The following MAPK4 variants were observed in gnomAD, a reference collection of about 807,000 sequenced individuals.
The protein encoded by MAPK4 is mitogen-activated protein kinase 4, also known as Erk3-related.
MAPK4 carries 22 observed loss-of-function variants against 47.7 expected under a neutral mutation model. The observed-to-expected ratio is 0.46, with a 90% CI of 0.33 to 0.66. The LOEUF is 0.66. MAPK4 is among the 30% of genes least tolerant of loss of function. MAPK4 has a pLI of 0.02. For synonymous variants in MAPK4, 390 were observed against 365.7 expected (o/e 1.07, Z -0.76); for missense variants, 736 against 831.7 (o/e 0.88, Z 1.42).
chr18:50,615,368 C>T (rs1350912654), intron 1 of MAPK4, among the ~76,000 whole-genome samples: 1 of 152,238 alleles, frequency 6.6e-6, no homozygotes, highest in Non-Finnish European at 1.5e-5. Context: ...CATGGCACAG[C>T]AGTTCCACAG....
At chr18:50,713,139 T>C (rs200633169) in intron 2 of MAPK4, among the ~76,000 whole-genome samples, 110 of 152,304 alleles carry the variant, frequency 7.2e-4, no homozygotes, top group East Asian at 2.3e-3. Flanking sequence ...AAAGAGGGCA[T>C]GAATAAATTG....
chr18:50,655,326 C>G (rs1028191436), intron 1 of MAPK4, among the ~76,000 whole-genome samples: 1 of 152,014 alleles, frequency 6.6e-6, no homozygotes, highest in African/African-American at 2.4e-5. Context: ...TGGCTCGGGT[C>G]GGTTGGTGTC....
chr18:50,629,820 G>C (rs1289581751), intron 1 of MAPK4: 1 of 152,196 alleles, frequency 6.6e-6, no homozygotes, highest in African/African-American at 2.4e-5. Flanking sequence ...TGGAGGCCCA[G>C]GCTCTGTTCC....
chr18:50,632,922 A>AT (rs1056164427), intron 1 of MAPK4, among the ~76,000 whole-genome samples: 33 of 139,270 alleles, frequency 2.4e-4, no homozygotes, highest in African/African-American at 8.7e-4. Context: ...GCCTGGCCTG[A>AT]TTTTTTTTAT....
intron 1 of MAPK4, among the ~76,000 whole-genome samples, chr18:50,627,924 G>A (rs1238427477): frequency 1.3e-5 from 2 of 152,156 alleles, no homozygotes; most frequent in Non-Finnish European, 2.9e-5. Context: ...ACAGGGCTCA[G>A]GCAAGCATTA....
intron 1 of MAPK4, among the ~76,000 whole-genome samples, chr18:50,589,041 A>G (rs997468824): frequency 2.0e-5 from 3 of 152,224 alleles, no homozygotes; most frequent in Non-Finnish European, 2.9e-5. Flanking sequence ...AAACCCATCA[A>G]GTATGCATGA....
intron 3 of MAPK4, among the ~76,000 whole-genome samples, chr18:50,720,781 C>G (rs1910898178): frequency 6.6e-6 from 1 of 152,194 alleles, no homozygotes; most frequent in Non-Finnish European, 1.5e-5. Flanking sequence ...GAGCCCTGAA[C>G]TGACCCAATG....
At chr18:50,595,667 G>A (rs1381042558) in intron 1 of MAPK4, among the ~76,000 whole-genome samples, 30 of 152,300 alleles carry the variant, frequency 2.0e-4, no homozygotes, top group Non-Finnish European at 8.8e-5. Context: ...GAACACTTAA[G>A]ATCTGGGAAA....
At position 50,569,842 on chromosome 18, in the gene MAPK4, C is replaced by T. The variant is rs1437521922; in HGVS notation, c.-871+9599C>T. 5.9e-5 allele frequency among the ~76,000 whole-genome samples: 9 copies of T among 152,346 alleles called. No homozygotes were observed. In the East Asian group the frequency reaches 1.2e-3, roughly 20 times the overall value. The stretch of plus-strand genomic sequence containing the variant: ...TCCATGAGGCCGTCAATACGCTGCT[C>T]AGCTTCCTAGCTTCCTATTTTGGAT... On this transcript the variant is annotated intron_variant, in intron 1 of 5. Transcript: ENST00000400384.
intron 1 of MAPK4, among the ~76,000 whole-genome samples, chr18:50,637,671 G>A (rs35490129): frequency 0.16 from 24,407 of 152,200 alleles, 2,004 homozygotes; most frequent in Non-Finnish European, 0.18. Flanking sequence ...CAGTCTGGGT[G>A]AGTTAACCAA....
intron 1 of MAPK4, among the ~76,000 whole-genome samples, chr18:50,588,227 C>T (rs963370199): frequency 2.6e-5 from 4 of 152,166 alleles, no homozygotes; most frequent in African/African-American, 9.7e-5. Context: ...AATGGGGTTG[C>T]TCATTTGGCT....
intron 1 of MAPK4, among the ~76,000 whole-genome samples, chr18:50,651,943 G>C (rs909449241): frequency 3.3e-5 from 5 of 152,212 alleles, no homozygotes; most frequent in African/African-American, 1.2e-4. Context: ...GCAGGAGAAG[G>C]GGTCACACTA....
intron 2 of MAPK4, among the ~76,000 whole-genome samples, chr18:50,675,679 G>A (rs2144296153): frequency 6.6e-6 from 1 of 152,074 alleles, no homozygotes. Context: ...TTTAGTAGAG[G>A]CGGGGTTTCA....
intron 2 of MAPK4, among the ~76,000 whole-genome samples, chr18:50,698,540 G>T (rs1909623140): frequency 6.6e-6 from 1 of 152,000 alleles, no homozygotes; most frequent in South Asian, 2.1e-4. Context: ...AAAACCTCAT[G>T]TCCAATAGTT....
chr18:50,716,947 C>T lies in MAPK4; in HGVS notation c.691+1724C>T, dbSNP rs547265103. ...TAACAAAGCAGCCCTCCTCTGTGGC[C>T]TACCAGATGGCCCCTCTTCTTCTCT... On this transcript the variant is annotated intron_variant, in intron 3 of 5. Coordinates refer to ENST00000400384, the MANE Select transcript of MAPK4 (RefSeq NM_002747.4). Among the ~76,000 whole-genome samples the T allele has an allele frequency of 1.9e-3, 291 of 152,278 alleles. 5 individuals carry two copies. In the East Asian group the frequency reaches 0.045, roughly 24 times the overall value.
At chr18:50,727,259 C>G (rs1014177129) in intron 5 of MAPK4, among the ~76,000 whole-genome samples, 1 of 152,160 alleles carries the variant, frequency 6.6e-6, no homozygotes, top group South Asian at 2.1e-4. Context: ...AAACAGCAGT[C>G]GAGGGCTCAA....
chr18:50,671,692 C>G (rs886494099), intron 2 of MAPK4, among the ~76,000 whole-genome samples: 4 of 151,812 alleles, frequency 2.6e-5, no homozygotes, highest in African/African-American at 7.3e-5. Context: ...AGTTTGAGAC[C>G]AGCCTGGGCA....
intron 1 of MAPK4, among the ~76,000 whole-genome samples, chr18:50,655,805 T>C (rs1598874248): frequency 6.6e-6 from 1 of 152,162 alleles, no homozygotes; most frequent in African/African-American, 2.4e-5. Context: ...TCTGGAGGGA[T>C]TTAAAAAACT....
chr18:50,587,013 A>T (rs1041804103), intron 1 of MAPK4, among the ~76,000 whole-genome samples: 1 of 152,204 alleles, frequency 6.6e-6, no homozygotes, highest in Non-Finnish European at 1.5e-5. Context: ...GGTAAAAAAC[A>T]ATTTCATATT....
Sources: gnomAD v4.1 joint callset for allele counts (sites outside exome capture counted in the v4.1 genomes callset) on GRCh38, gnomAD v4.1.1 for gene constraint, MANE v1.5 for transcripts, NCBI Gene and HGNC (gene_info 2026-07-23, HGNC 2026-07-21) for gene names.